PTPRM: variants seen among roughly 807,000 people sequenced by gnomAD.
PTPRM encodes receptor-type tyrosine-protein phosphatase mu.
In PTPRM, 47 loss-of-function variants were observed where a neutral mutation model predicts 186.7. The observed-to-expected ratio is 0.25, with a 90% CI of 0.20 to 0.32. The LOEUF (loss-of-function observed/expected upper bound fraction) is 0.32. Among genes scored for constraint, PTPRM ranks in the 10% least tolerant of loss-of-function variants. PTPRM has a pLI of 1.00. For synonymous variants in PTPRM, 668 were observed against 674.9 expected (o/e 0.99, Z 0.16); for missense variants, 1,494 against 1,865.0 (o/e 0.80, Z 3.66).
At chr18:7,977,253 C>G (rs2055015522) in intron 7 of PTPRM, among the ~76,000 whole-genome samples, 1 of 152,058 alleles carries the variant, frequency 6.6e-6, no homozygotes, top group Non-Finnish European at 1.5e-5. Flanking sequence ...CCACGCCCAG[C>G]TAATTTTTGT....
intron 23 of PTPRM, among the ~76,000 whole-genome samples, chr18:8,345,961 A>G (rs1351516564): frequency 6.6e-6 from 1 of 152,368 alleles, no homozygotes; most frequent in East Asian, 1.9e-4. Context: ...CAAAGGGTAT[A>G]ATAAGTGACC....
At chr18:7,729,438 GTTATA>G (rs2040612614) in intron 1 of PTPRM, among the ~76,000 whole-genome samples, 1 of 152,020 alleles carries the variant, frequency 6.6e-6, no homozygotes, top group African/African-American at 2.4e-5. Flanking sequence ...GTCTTTGAGT[GTTATA>G]TTATCTCTTC....
chr18:8,289,631 T>TAC (rs1216025417), intron 19 of PTPRM, among the ~76,000 whole-genome samples: 8 of 145,362 alleles, frequency 5.5e-5, no homozygotes, highest in East Asian at 4.0e-4. Flanking sequence ...CATATATATA[T>TAC]ACACACATAT....
intron 2 of PTPRM, among the ~76,000 whole-genome samples, chr18:7,831,322 A>T (rs981216704): frequency 6.6e-6 from 1 of 152,140 alleles, no homozygotes; most frequent in Non-Finnish European, 1.5e-5. Flanking sequence ...TTTTCTGAAC[A>T]TTACAGATAG....
intron 7 of PTPRM, among the ~76,000 whole-genome samples, chr18:7,979,602 A>G (rs2082436981): frequency 6.6e-6 from 1 of 152,208 alleles, no homozygotes; most frequent in East Asian, 1.9e-4. Context: ...TATTTGCATT[A>G]CATATTTTTT....
At chr18:8,392,342 T>A (rs1468010691) in intron 31 of PTPRM, among the ~76,000 whole-genome samples, 1 of 151,966 alleles carries the variant, frequency 6.6e-6, no homozygotes, top group Non-Finnish European at 1.5e-5. Context: ...AAAGGTCCCA[T>A]GGCCGGGCGC....
At chr18:8,217,277 G>GC (rs1328865279) in intron 14 of PTPRM, among the ~76,000 whole-genome samples, 1 of 133,116 alleles carries the variant, frequency 7.5e-6, no homozygotes, top group African/African-American at 2.5e-5. Flanking sequence ...GAAGTCTTGC[G>GC]CATAAGTCGG....
chr18:8,352,652 G>GTTTTTTTTTTTTT (rs142090056), intron 23 of PTPRM, among the ~76,000 whole-genome samples: 14 of 102,222 alleles, frequency 1.4e-4, no homozygotes, highest in East Asian at 2.5e-4. Context: ...TTTTTGGTTT[G>GTTTTTTTTTTTTT]GTTTTTTTTG....
intron 1 of PTPRM, among the ~76,000 whole-genome samples, chr18:7,693,202 G>A (rs2039772244): frequency 6.6e-6 from 1 of 152,146 alleles, no homozygotes; most frequent in Non-Finnish European, 1.5e-5. Flanking sequence ...ACATGAATGT[G>A]TTTTTATACA....
chr18:8,136,507 TCAAA>T (rs1051799643), intron 13 of PTPRM, among the ~76,000 whole-genome samples: 7 of 152,154 alleles, frequency 4.6e-5, no homozygotes, highest in African/African-American at 1.7e-4. Context: ...AAGATATATA[TCAAA>T]CAATCCATTA....
intron 19 of PTPRM, among the ~76,000 whole-genome samples, chr18:8,293,270 A>G (rs2095060591): frequency 6.6e-6 from 1 of 152,248 alleles, no homozygotes; most frequent in East Asian, 1.9e-4. Flanking sequence ...AAAATAATAC[A>G]ACTAAAATAA....
rs55909373 is a variant in PTPRM at position 8,392,208 on chromosome 18, A to T, written c.4209-2268A>T. ...GAAACAATCTGAGAGTGGATTTTTTAAAAAAGCAGCTGTAAGAAACAATCT... is the reference window on the plus strand; with the variant it reads ...GAAACAATCTGAGAGTGGATTTTTTTAAAAAGCAGCTGTAAGAAACAATCT... On this transcript the variant is annotated intron_variant, in intron 31 of 32. Coordinates refer to ENST00000580170, the MANE Select transcript of PTPRM (RefSeq NM_001105244.2). Among the ~76,000 whole-genome samples the T allele has an allele frequency of 6.5e-3, 989 of 151,490 alleles. 9 individuals are homozygous for T. Among genetic ancestry groups the T allele is most frequent in the African/African-American group, 0.023 (937 of 40,770 alleles).
At chr18:7,779,251 A>G (rs958066375) in intron 2 of PTPRM, among the ~76,000 whole-genome samples, 10 of 152,212 alleles carry the variant, frequency 6.6e-5, no homozygotes, top group Admixed American at 5.9e-4. Flanking sequence ...TGTTGGGAAA[A>G]CATAATTCTC....
In PTPRM at chr18:7,696,259, G is replaced by T. The variant is rs75868668; in HGVS notation, c.74-77890G>T. 8.4e-3 allele frequency among the ~76,000 whole-genome samples: 1,273 copies of T among 152,206 alleles called. 22 individuals carry two copies. The highest frequency in any genetic ancestry group is 0.029 in the African/African-American group (1,218 of 41,518). ...TACTTTATTTCTTAATAAGATCATAGGAAATCTTTTTGCAAATTAGGCCTT... is the reference window on the plus strand; with the variant it reads ...TACTTTATTTCTTAATAAGATCATATGAAATCTTTTTGCAAATTAGGCCTT... On this transcript the variant is annotated intron_variant, in intron 1 of 32. Transcript: ENST00000580170.
chr18:8,001,014 A>G (rs1293454267), intron 7 of PTPRM, among the ~76,000 whole-genome samples: 1 of 152,182 alleles, frequency 6.6e-6, no homozygotes, highest in Non-Finnish European at 1.5e-5. Context: ...CACCATTTCT[A>G]AAATGTTTAG....
intron 5 of PTPRM, among the ~76,000 whole-genome samples, chr18:7,937,241 T>C (rs9964012): frequency 0.18 from 27,837 of 152,194 alleles, 3,620 homozygotes; most frequent in African/African-American, 0.37. Context: ...AGAGAAGACC[T>C]ACAGCCCTTC....
chr18:7,827,066 T>C (rs750102666), intron 2 of PTPRM, among the ~76,000 whole-genome samples: 6 of 152,202 alleles, frequency 3.9e-5, no homozygotes, highest in Non-Finnish European at 7.3e-5. Context: ...CATGCCATTG[T>C]ACCCCAGCCT....
chr18:7,719,036 C>T (rs145664427), intron 1 of PTPRM, among the ~76,000 whole-genome samples: 1,624 of 152,214 alleles, frequency 0.011, 26 homozygotes, highest in African/African-American at 0.037. Flanking sequence ...TCCGGCAATC[C>T]CACTACTGGG....
At chr18:7,589,492 C>T (rs75843611) in intron 1 of PTPRM, among the ~76,000 whole-genome samples, 7,009 of 152,092 alleles carry the variant, frequency 0.046, 489 homozygotes, top group East Asian at 0.29. Flanking sequence ...GCCCTATGGC[C>T]CAACTTTAAT....
Sources: gnomAD v4.1 joint callset for allele counts (sites outside exome capture counted in the v4.1 genomes callset) on GRCh38, gnomAD v4.1.1 for gene constraint, MANE v1.5 for transcripts, NCBI Gene and HGNC (gene_info 2026-07-23, HGNC 2026-07-21) for gene names.